ZNF695: variants seen among roughly 807,000 people sequenced by gnomAD.
ZNF695 encodes the protein zinc finger protein 695.
ZNF695 carries 11 observed loss-of-function variants against 11.2 expected under a neutral mutation model. The ratio of observed to expected loss-of-function variants is 0.98; its 90% CI spans 0.62 to 1.62. ZNF695 has a LOEUF of 1.62. ZNF695 is among the 40% of genes most tolerant of loss of function. ZNF695 has a pLI of 0.00. For missense variants in ZNF695, 559 were observed against 590.5 expected (o/e 0.95, Z 0.55); for synonymous variants, 190 against 201.4 (o/e 0.94, Z 0.48).
At chr1:247,006,474 G>C (rs1473329956) in intron 1 of ZNF695, among the ~76,000 whole-genome samples, 1 of 152,122 alleles carries the variant, frequency 6.6e-6, no homozygotes, top group Non-Finnish European at 1.5e-5. Context: ...AGCCGGGCAT[G>C]GTGGCGCCTG....
At chr1:246,985,262 TA>T, downstream of ZNF695, 2 of 982,298 alleles carry the variant, frequency 2.0e-6, no homozygotes, top group Non-Finnish European at 2.4e-6. Context: ...AGCCACATGT[TA>T]AAAGGAAAAT....
At chr1:246,945,834 AAAAG>A (rs1311682917) in intron 5 of ZNF695, 20 of 1,548,226 alleles carry the variant, frequency 1.3e-5, no homozygotes, top group African/African-American at 2.7e-5. Context: ...GACCCTGAAA[AAAAG>A]AAAGAAAGAA....
Position 246,988,044 on chromosome 1 carries a change from T to G in ZNF695, c.471A>C (p.Gln157His), listed in dbSNP as rs182045807. 6.2e-7 allele frequency: 1 copy of G among 1,602,270 alleles called. No homozygotes were observed. Among genetic ancestry groups the G allele is most frequent in the Non-Finnish European group, 8.5e-7 (1 of 1,175,936 alleles). The change falls in exon 4 of 4, where the codon CAA (glutamine) becomes CAC (histidine). Residue 157 changes from glutamine to histidine, a missense_variant. By Grantham distance (24) the Gln-to-His change is conservative. Coordinates refer to ENST00000339986, the MANE Select transcript of ZNF695 (RefSeq NM_020394.5). ...TAAAACCTTTCACACATTTATTGCA[T>G]TGAAAGTTTTTGCTATGAGTAGTTG... ...CSATTHSKNF[Q>H]CNKCVKGFSK...
downstream of ZNF695, among the ~76,000 whole-genome samples, chr1:246,981,751 T>C (rs1668715965): frequency 6.6e-6 from 1 of 152,136 alleles, no homozygotes; most frequent in Admixed American, 6.5e-5. Context: ...TGGTCCCAAT[T>C]TGGCTATTGT....
chr1:246,964,877 A>G (rs1668247645), intron 5 of ZNF695, among the ~76,000 whole-genome samples: 1 of 152,112 alleles, frequency 6.6e-6, no homozygotes, highest in Non-Finnish European at 1.5e-5. Context: ...TCTGTCTCAA[A>G]AAAAAATTTA....
intron 5 of ZNF695, among the ~76,000 whole-genome samples, chr1:246,946,498 T>C (rs1163896017): frequency 6.6e-6 from 1 of 152,234 alleles, no homozygotes; most frequent in Non-Finnish European, 1.5e-5. Flanking sequence ...ACAATTGCAC[T>C]CATTTGTGAA....
intron 4 of ZNF695, among the ~76,000 whole-genome samples, chr1:246,970,728 C>G (rs892123271): frequency 1.3e-5 from 2 of 152,132 alleles, no homozygotes; most frequent in Non-Finnish European, 2.9e-5. Flanking sequence ...GAGTAAAGAC[C>G]CTTAGTAGAA....
intron 3 of ZNF695, among the ~76,000 whole-genome samples, chr1:246,991,097 T>G (rs537107065): frequency 6.6e-6 from 1 of 151,838 alleles, no homozygotes; most frequent in African/African-American, 2.4e-5. Flanking sequence ...AGAAAAATAA[T>G]GAAGATCAGA....
At chr1:246,976,190 T>A (rs1049056404) in intron 4 of ZNF695, among the ~76,000 whole-genome samples, 3 of 152,172 alleles carry the variant, frequency 2.0e-5, no homozygotes, top group Non-Finnish European at 4.4e-5. Flanking sequence ...AAAAAACTTG[T>A]CCTTATGTCT....
chr1:246,959,350 T>TATATATATAA (rs1455518501), intron 5 of ZNF695, among the ~76,000 whole-genome samples: 1 of 98,374 alleles, frequency 1.0e-5, no homozygotes, highest in African/African-American at 4.0e-5. Context: ...TATATATATA[T>TATATATATAA]AAAATCTCTT....
At chr1:246,958,204 G>A (rs914642914) in intron 5 of ZNF695, among the ~76,000 whole-genome samples, 6 of 151,280 alleles carry the variant, frequency 4.0e-5, no homozygotes, top group African/African-American at 1.2e-4. Flanking sequence ...GACTACAGGT[G>A]CACACCACCA....
intron 4 of ZNF695, chr1:246,979,758 T>A (rs57243100): frequency 6.5e-6 from 1 of 152,774 alleles, no homozygotes; most frequent in African/African-American, 2.4e-5. Context: ...AAATGAATTA[T>A]CCCCATTACT....
At chr1:246,988,681 C>T (rs547287820) in intron 3 of ZNF695, among the ~76,000 whole-genome samples, 19 of 152,200 alleles carry the variant, frequency 1.2e-4, no homozygotes, top group South Asian at 2.1e-4. Context: ...ACCTGTCCTA[C>T]GAGAAATGAT....
chr1:246,958,111 T>C (rs898436068), intron 5 of ZNF695, among the ~76,000 whole-genome samples: 11 of 151,584 alleles, frequency 7.3e-5, no homozygotes, highest in African/African-American at 2.2e-4. Context: ...CAGGCTGGAG[T>C]GCAGTGGCGC....
In ZNF695 at chr1:246,987,631, G is replaced by A. The variant is rs758427054; in HGVS notation, c.884C>T (p.Pro295Leu). The A allele has an allele frequency of 6.2e-7, 1 of 1,603,732 alleles. No individual in the cohort carries two copies. The highest frequency in any genetic ancestry group is 1.1e-5 in the South Asian group (1 of 89,054). Reference sequence around the variant, plus strand: ...TTTGCCACATTCTTCACATTTGTATGGTTTCTCTCCAGTATGAATTTTCTT... The same window carrying A: ...TTTGCCACATTCTTCACATTTGTATAGTTTCTCTCCAGTATGAATTTTCTT... ...KHKKIHTGEK[P>L]YKCEECGKSF... The change falls in exon 4 of 4, where the codon CCA becomes CTA. Residue 295 changes from proline (P) to leucine (L), a missense_variant. Coordinates refer to ENST00000339986, the MANE Select transcript of ZNF695 (RefSeq NM_020394.5).
chr1:246,961,671 C>G (rs1446942445), intron 5 of ZNF695, among the ~76,000 whole-genome samples: 1 of 152,224 alleles, frequency 6.6e-6, no homozygotes, highest in Non-Finnish European at 1.5e-5. Flanking sequence ...CCAATTGTCA[C>G]CCACTGGTCC....
intron 1 of ZNF695, among the ~76,000 whole-genome samples, chr1:247,003,730 T>A (rs1351724839): frequency 6.6e-6 from 1 of 152,230 alleles, no homozygotes; most frequent in Non-Finnish European, 1.5e-5. Flanking sequence ...CCAAATAAGA[T>A]GTAATGCTAA....
intron 3 of ZNF695, among the ~76,000 whole-genome samples, chr1:246,991,729 A>C (rs1479376354): frequency 6.6e-6 from 1 of 152,138 alleles, no homozygotes; most frequent in African/African-American, 2.4e-5. Flanking sequence ...CAAAACACTA[A>C]AAATAGAGGT....
intron 5 of ZNF695, among the ~76,000 whole-genome samples, chr1:246,950,699 T>C (rs1175132467): frequency 1.5e-5 from 2 of 137,044 alleles, no homozygotes; most frequent in East Asian, 4.3e-4. Context: ...TAGAAACAAA[T>C]GACAATTACA....
Sources: gnomAD v4.1 joint callset for allele counts (sites outside exome capture counted in the v4.1 genomes callset) on GRCh38, gnomAD v4.1.1 for gene constraint, MANE v1.5 for transcripts, NCBI Gene and HGNC (gene_info 2026-07-23, HGNC 2026-07-21) for gene names.